ARHGAP28: variants seen among roughly 807,000 people sequenced by gnomAD.
ARHGAP28 encodes Rho GTPase activating protein 28.
ARHGAP28 carries 56 observed loss-of-function variants against 90.7 expected under a neutral mutation model. That is an observed-to-expected ratio of 0.62 (90% CI 0.50 to 0.77). The LOEUF is 0.77. Ranked by LOEUF, ARHGAP28 falls within the 30% of genes least tolerant of loss-of-function variation. The pLI is 0.00. For missense variants in ARHGAP28, 869 were observed against 900.9 expected, an observed-to-expected ratio of 0.96 and a Z score of 0.45; for synonymous variants, 308 against 323.3, an observed-to-expected ratio of 0.95 and a Z score of 0.51.
At chr18:6,854,622 T>C (rs570123963) in intron 4 of ARHGAP28, among the ~76,000 whole-genome samples, 2 of 152,164 alleles carry the variant, frequency 1.3e-5, no homozygotes, top group East Asian at 3.9e-4. Flanking sequence ...AGACGCCGGC[T>C]ACAGCAAGGG....
intron 14 of ARHGAP28, among the ~76,000 whole-genome samples, chr18:6,891,012 G>T (rs539815899): frequency 6.6e-6 from 1 of 152,338 alleles, no homozygotes; most frequent in South Asian, 2.1e-4. Context: ...ACAGTTATTT[G>T]TGTGGAGGCA....
At chr18:6,795,256 C>G (rs1475168973) in intron 1 of ARHGAP28, among the ~76,000 whole-genome samples, 1 of 152,064 alleles carries the variant, frequency 6.6e-6, no homozygotes. Context: ...TTCTGAAATC[C>G]AGCAAGGAAG....
At chr18:6,741,470 C>A (rs2055976469) in intron 1 of ARHGAP28, among the ~76,000 whole-genome samples, 1 of 152,184 alleles carries the variant, frequency 6.6e-6, no homozygotes, top group Non-Finnish European at 1.5e-5. Context: ...ATGTCTAAAG[C>A]TGTGTCATCC....
At chr18:6,773,442 A>G (rs2056259267) in intron 1 of ARHGAP28, among the ~76,000 whole-genome samples, 1 of 152,242 alleles carries the variant, frequency 6.6e-6, no homozygotes, top group Admixed American at 6.5e-5. Context: ...GGCCAAGTAT[A>G]GGGTCTTTTA....
intron 4 of ARHGAP28, among the ~76,000 whole-genome samples, chr18:6,854,871 C>G (rs4536541): frequency 6.6e-6 from 1 of 152,094 alleles, no homozygotes; most frequent in African/African-American, 2.4e-5. Flanking sequence ...GGCCTCTCCC[C>G]GCTCCTGGCT....
chr18:6,899,187 AC>A (rs2057325285), intron 16 of ARHGAP28, among the ~76,000 whole-genome samples: 2 of 151,844 alleles, frequency 1.3e-5, no homozygotes, highest in African/African-American at 2.4e-5. Flanking sequence ...GCCTACTCAG[AC>A]CCCCGTGTGT....
At chr18:6,794,289 G>C (rs889723565) in intron 1 of ARHGAP28, among the ~76,000 whole-genome samples, 1 of 152,152 alleles carries the variant, frequency 6.6e-6, no homozygotes, top group Admixed American at 6.5e-5. Context: ...AATACAACAA[G>C]TAAATTGTAG....
intron 6 of ARHGAP28, among the ~76,000 whole-genome samples, chr18:6,869,250 A>ATTTTTTTTTTTTTT (rs2057062449): frequency 9.6e-6 from 1 of 103,812 alleles, no homozygotes. Flanking sequence ...TCCTTTTGCC[A>ATTTTTTTTTTTTTT]TTCTTTTTTT....
At position 6,729,729 on chromosome 18, in the gene ARHGAP28, C is replaced by T. The variant is rs2055858178; in HGVS notation, c.-93C>T. ...GAGCGGCTGGTCGCACCTCGGGCCG[C>T]GCCGCCCAGCTGCTGACAGCCTCCC... On this transcript the variant is annotated 5_prime_UTR_variant, in exon 1 of 18. Coordinates refer to ENST00000383472, the MANE Select transcript of ARHGAP28 (RefSeq NM_001366230.1). 2 of 1,252,470 alleles carry T rather than the reference C, an allele frequency of 1.6e-6. No individual in the cohort carries two copies. Among genetic ancestry groups the T allele is most frequent in the African/African-American group, 1.6e-5 (1 of 63,748 alleles). The allele number at this position is 1,252,470 out of a possible 1,614,324, so 77.6% of individuals were successfully genotyped here.
intron 3 of ARHGAP28, among the ~76,000 whole-genome samples, chr18:6,846,407 G>A (rs2056866474): frequency 6.6e-6 from 1 of 152,184 alleles, no homozygotes; most frequent in African/African-American, 2.4e-5. Flanking sequence ...AGTCTGCTGA[G>A]TGGTTTGGAT....
intron 1 of ARHGAP28, among the ~76,000 whole-genome samples, chr18:6,799,901 GAA>G (rs2056469695): frequency 1.3e-5 from 2 of 152,138 alleles, no homozygotes; most frequent in Admixed American, 1.3e-4. Flanking sequence ...CACAGCAAAA[GAA>G]ACTATCATCA....
chr18:6,833,390 G>C (rs1244954714), intron 2 of ARHGAP28, among the ~76,000 whole-genome samples: 1 of 151,912 alleles, frequency 6.6e-6, no homozygotes, highest in Non-Finnish European at 1.5e-5. Context: ...CTCCAGTTTA[G>C]AATCACTTGT....
intron 1 of ARHGAP28, among the ~76,000 whole-genome samples, chr18:6,797,671 T>TA (rs1003708312): frequency 6.6e-6 from 1 of 152,096 alleles, no homozygotes; most frequent in Non-Finnish European, 1.5e-5. Context: ...ACGCTTTTTT[T>TA]TTTTTTTTAA....
Position 6,766,840 on chromosome 18 carries a change from C to T in ARHGAP28, c.122+36897C>T, listed in dbSNP as rs192579912. Among the ~76,000 whole-genome samples, 57 of 152,280 alleles carry T rather than the reference C, an allele frequency of 3.7e-4. 2 individuals are homozygous for T. In the East Asian group the frequency reaches 8.1e-3, roughly 22 times the overall value. Reference sequence around the variant, plus strand: ...CTGCTTCATGCAGGACCCAAGCTGCCGCACAAATCTACCTGTCTGAATGAT... The same window carrying T: ...CTGCTTCATGCAGGACCCAAGCTGCTGCACAAATCTACCTGTCTGAATGAT... On this transcript the variant is annotated intron_variant, in intron 1 of 17. Transcript: ENST00000383472.
At chr18:6,733,613 T>A (rs2055901951) in intron 1 of ARHGAP28, among the ~76,000 whole-genome samples, 1 of 152,206 alleles carries the variant, frequency 6.6e-6, no homozygotes, top group Admixed American at 6.5e-5. Context: ...GCTATTACTT[T>A]TCAGTAGCAT....
At chr18:6,825,493 A>G (rs1471938122) in intron 2 of ARHGAP28, among the ~76,000 whole-genome samples, 4 of 152,054 alleles carry the variant, frequency 2.6e-5, no homozygotes, top group Admixed American at 1.3e-4. Context: ...GTTTTTTCCA[A>G]CTTTTATTTT....
chr18:6,825,538 A>G (rs1043193533), intron 2 of ARHGAP28, among the ~76,000 whole-genome samples: 2 of 152,134 alleles, frequency 1.3e-5, no homozygotes, highest in East Asian at 3.8e-4. Context: ...GGTTTCTTAC[A>G]TGGGTATATT....
chr18:6,785,947 G>A (rs184434170), intron 1 of ARHGAP28, among the ~76,000 whole-genome samples: 8 of 152,194 alleles, frequency 5.3e-5, no homozygotes, highest in Admixed American at 5.2e-4. Context: ...ACATGTATGA[G>A]GTATGTGTGT....
Position 6,785,362 on chromosome 18 carries a change from A to G in ARHGAP28, c.123-39400A>G, listed in dbSNP as rs138222294. Among the ~76,000 whole-genome samples the G allele has an allele frequency of 6.4e-4, 97 of 152,340 alleles. No individual in the cohort carries two copies. The East Asian group carries it at 0.012, about 18-fold the overall frequency. On this transcript the variant is annotated intron_variant, in intron 1 of 17. Transcript: ENST00000383472. ...AAGAGGACCAGGTGTGTCACTCAAA[A>G]TTTAACTCTTTCCTCACTCCTTCCT...
Sources: allele counts gnomAD v4.1 joint callset (sites outside exome capture counted in the v4.1 genomes callset), GRCh38; gene constraint gnomAD v4.1.1; transcripts MANE v1.5; gene names NCBI Gene and HGNC (gene_info 2026-07-23, HGNC 2026-07-21).